The following ACAP2 variants were observed in gnomAD, a reference collection of about 807,000 sequenced individuals.
ACAP2 encodes ArfGAP with coiled-coil, ankyrin repeat and PH domains 2, also known as arf-GAP with coiled-coil, ANK repeat and PH domain-containing protein 2.
ACAP2 carries 39 observed loss-of-function variants against 115.8 expected under a neutral mutation model. The ratio of observed to expected loss-of-function variants is 0.34; its 90% confidence interval spans 0.26 to 0.44. ACAP2 has a LOEUF of 0.44. Ranked by LOEUF, ACAP2 falls within the 20% of genes least tolerant of loss-of-function variation. The pLI, the probability that ACAP2 is intolerant of heterozygous loss-of-function variation, is 1.00. For missense variants in ACAP2, 662 were observed against 927.6 expected, an observed-to-expected ratio of 0.71 and a Z score of 3.72; for synonymous variants, 289 against 315.8, an observed-to-expected ratio of 0.92 and a Z score of 0.90.
intron 4 of ACAP2, among the ~76,000 whole-genome samples, chr3:195,348,471 C>A (rs1731327308): frequency 6.6e-6 from 1 of 151,982 alleles, no homozygotes; most frequent in African/African-American, 2.4e-5. Flanking sequence ...AAAAAAAAAT[C>A]TATCGGAAAA....
chr3:195,348,374 T>A, intron 4 of ACAP2, among the ~76,000 whole-genome samples: 2 of 151,522 alleles, frequency 1.3e-5, no homozygotes, highest in African/African-American at 2.4e-5. Flanking sequence ...TGTGAAAAAC[T>A]CCACAAAGAT....
At chr3:195,408,895 CT>C (rs1446499810) in intron 1 of ACAP2, among the ~76,000 whole-genome samples, 2 of 151,998 alleles carry the variant, frequency 1.3e-5, no homozygotes, top group African/African-American at 4.8e-5. Flanking sequence ...TGACAAAATT[CT>C]TTTTTTCATG....
At chr3:195,401,071 C>T (rs1343678755) in intron 1 of ACAP2, among the ~76,000 whole-genome samples, 2 of 152,150 alleles carry the variant, frequency 1.3e-5, no homozygotes, top group African/African-American at 4.8e-5. Flanking sequence ...TAATCAGAAA[C>T]CTGCCATATT....
chr3:195,342,748 C>A, intron 5 of ACAP2, 94 bp from the exon 6 acceptor site: 1 of 983,032 alleles, frequency 1.0e-6, no homozygotes, highest in Non-Finnish European at 1.5e-6. Flanking sequence ...GTAATCCCAG[C>A]ACTTTGGGAG....
chr3:195,303,187 G>C (rs2108969708), intron 13 of ACAP2, among the ~76,000 whole-genome samples: 1 of 152,264 alleles, frequency 6.6e-6, no homozygotes, highest in African/African-American at 2.4e-5. Context: ...ACAAGAGTGA[G>C]ACTCCAACCT....
chr3:195,286,048 A>C (rs987307825), intron 21 of ACAP2, among the ~76,000 whole-genome samples, 191 bp from the exon 22 acceptor site: 1 of 152,210 alleles, frequency 6.6e-6, no homozygotes, highest in African/African-American at 2.4e-5. Flanking sequence ...TACAATTCTC[A>C]TAAGAAAGGA....
At chr3:195,289,510 T>C (rs1727091941) in intron 20 of ACAP2, among the ~76,000 whole-genome samples, 1 of 151,498 alleles carries the variant, frequency 6.6e-6, no homozygotes, top group African/African-American at 2.4e-5. Flanking sequence ...TCAAAGAATA[T>C]CATAAAAAGG....
At chr3:195,438,199 T>C (rs888272204) in intron 1 of ACAP2, among the ~76,000 whole-genome samples, 6 of 151,674 alleles carry the variant, frequency 4.0e-5, no homozygotes, top group African/African-American at 7.3e-5. Flanking sequence ...CTAATTTTTT[T>C]GTATTTTTAG....
chr3:195,380,347 TAC>T (rs1248758475), intron 4 of ACAP2, among the ~76,000 whole-genome samples: 1 of 152,224 alleles, frequency 6.6e-6, no homozygotes, highest in Admixed American at 6.5e-5. Context: ...ATATTTTTAT[TAC>T]AGACTGGCTA....
chr3:195,312,661 T>C (rs868531831), intron 10 of ACAP2, among the ~76,000 whole-genome samples: 1 of 151,532 alleles, frequency 6.6e-6, no homozygotes, highest in Non-Finnish European at 1.5e-5. Flanking sequence ...AAATAAGATA[T>C]GTTTAAAAAA....
In ACAP2 at chr3:195,342,533, T is replaced by C; in HGVS notation, c.466A>G (p.Thr156Ala). 6.2e-7 allele frequency: 1 copy of C among 1,612,800 alleles called. No homozygotes were observed. The highest frequency in any genetic ancestry group is 8.5e-7 in the Non-Finnish European group (1 of 1,179,700). Reference protein sequence around the residue: ...RNKQHEVEEATNILTATRKCF... With the variant: ...RNKQHEVEEAANILTATRKCF... ...TTTCTTGTTGCTGTCAGAATGTTGG[T>C]GGCTTCTTCAACTTCATGTTGTTTG... The change falls in exon 6 of 23, where the codon ACC becomes GCC. Residue 156 changes from threonine (T) to alanine (A), a missense_variant. By Grantham distance (58) the Thr-to-Ala change is moderately conservative. Coordinates refer to ENST00000326793, the MANE Select transcript of ACAP2 (RefSeq NM_012287.6).
At chr3:195,309,416 G>A (rs1191038371) in intron 10 of ACAP2, among the ~76,000 whole-genome samples, 1 of 151,996 alleles carries the variant, frequency 6.6e-6, no homozygotes, top group Non-Finnish European at 1.5e-5. Context: ...CATGGCAGCA[G>A]GTGCCTGTAA....
chr3:195,344,533 T>C (rs1731072302), intron 5 of ACAP2, among the ~76,000 whole-genome samples: 1 of 151,892 alleles, frequency 6.6e-6, no homozygotes, highest in Admixed American at 6.6e-5. Flanking sequence ...TCATGTACTT[T>C]TTTTTTTTTT....
intron 15 of ACAP2, 147 bp downstream of exon 15, chr3:195,301,428 T>C: frequency 1.5e-6 from 1 of 671,472 alleles, no homozygotes; most frequent in Non-Finnish European, 2.5e-6. Context: ...ACACCAGATT[T>C]GCCAAAATAG....
At chr3:195,351,441 CGTGTGTGTGT>C (rs56049053) in intron 4 of ACAP2, among the ~76,000 whole-genome samples, 3,741 of 130,008 alleles carry the variant, frequency 0.029, 152 homozygotes, top group African/African-American at 0.093. Context: ...TTTTCTTTTT[CGTGTGTGTGT>C]GTGTGTGTGT....
At chr3:195,392,506 A>C (rs993313055) in intron 1 of ACAP2, among the ~76,000 whole-genome samples, 2 of 152,228 alleles carry the variant, frequency 1.3e-5, no homozygotes, top group African/African-American at 4.8e-5. Context: ...AACACATGCA[A>C]CCAAACTGCA....
intron 4 of ACAP2, among the ~76,000 whole-genome samples, chr3:195,375,979 C>A (rs971622326): frequency 1.1e-4 from 16 of 152,124 alleles, no homozygotes. Context: ...TCAATGGAGT[C>A]ACCAAAATCT....
intron 4 of ACAP2, among the ~76,000 whole-genome samples, chr3:195,365,289 G>C (rs1055415018): frequency 6.6e-6 from 1 of 152,110 alleles, no homozygotes; most frequent in Non-Finnish European, 1.5e-5. Flanking sequence ...TGGATTGTTT[G>C]TAACACAAAG....
chr3:195,318,696 G>A (rs1023056422), intron 10 of ACAP2, among the ~76,000 whole-genome samples: 1 of 152,102 alleles, frequency 6.6e-6, no homozygotes, highest in East Asian at 1.9e-4. Context: ...CATTATATGC[G>A]TTCACAAAGA....
Sources: gnomAD v4.1 joint callset for allele counts (sites outside exome capture counted in the v4.1 genomes callset) on GRCh38, gnomAD v4.1.1 for gene constraint, MANE v1.5 for transcripts, NCBI Gene and HGNC (gene_info 2026-07-23, HGNC 2026-07-21) for gene names.